PIEZO2: variants seen among roughly 807,000 people sequenced by gnomAD.
PIEZO2 encodes the protein piezo type mechanosensitive ion channel component 2, also known as piezo-type mechanosensitive ion channel component 2.
Under a neutral mutation model 337.3 loss-of-function variants are expected in PIEZO2, and 172 were observed. That is an observed-to-expected ratio of 0.51 (90% CI 0.45 to 0.58). PIEZO2 has a LOEUF of 0.58. Among genes scored for constraint, PIEZO2 ranks in the 20% least tolerant of loss-of-function variants. The pLI, the probability that PIEZO2 is intolerant of heterozygous loss-of-function variation, is 0.00. For synonymous variants in PIEZO2, 1,251 were observed against 1,228.5 expected (o/e 1.02, Z -0.38); for missense variants, 3,028 against 3,391.3 (o/e 0.89, Z 2.66).
chr18:10,969,344 C>T lies in PIEZO2; in HGVS notation c.286+10191G>A, dbSNP rs1467422005. ...ATCCCAAATCATTTTAAACTTCCTG[C>T]TCTGTGATTTGTCTTACAGCAAGGA... On this transcript the variant is annotated intron_variant, in intron 3 of 55. Coordinates refer to ENST00000674853, the MANE Select transcript of PIEZO2 (RefSeq NM_001378183.1). This position sits in a 1 kb window ranked among gnomAD's most constrained non-coding sequence, Gnocchi z 4.5. Among the ~76,000 whole-genome samples, 5 of 152,036 alleles carry T rather than the reference C, an allele frequency of 3.3e-5. No individual in the cohort carries two copies. Among genetic ancestry groups the T allele is most frequent in the Non-Finnish European group, 7.4e-5 (5 of 68,014 alleles).
rs971413151 is a variant in PIEZO2, at chr18:11,003,620, G to C, written c.161-23960C>G. ...CTTAACCTGGAAGTTCAGGGCACCA[G>C]GCGGGCATCAGGCGGGCACCAGCCC... is the stretch of plus-strand genomic sequence containing the variant. On this transcript the variant is annotated intron_variant, in intron 2 of 55. Coordinates refer to ENST00000674853, the MANE Select transcript of PIEZO2 (RefSeq NM_001378183.1). The surrounding 1 kb of genome is among the most constrained non-coding windows in gnomAD (Gnocchi z 4.6). Among the ~76,000 whole-genome samples, 4 of 152,214 alleles carry C rather than the reference G, an allele frequency of 2.6e-5. No individual in the cohort carries two copies. The highest frequency in any genetic ancestry group is 2.6e-4 in the Admixed American group (4 of 15,284).
intron 1 of PIEZO2, among the ~76,000 whole-genome samples, chr18:11,084,513 C>T (rs1395278748): frequency 6.6e-6 from 1 of 152,146 alleles, no homozygotes; most frequent in African/African-American, 2.4e-5. Context: ...CCAGCCCTCG[C>T]CATGGAGGCC....
In PIEZO2 at chr18:10,726,987, AG is replaced by A. The variant is rs1245465427; in HGVS notation, c.5029+4419del. 17 of 1,115,880 alleles carry A rather than the reference AG, an allele frequency of 1.5e-5. No individual in the cohort carries two copies. The East Asian group carries it at 4.4e-4, about 29-fold the overall frequency. The allele number at this position is 1,115,880 out of a possible 1,614,324, so 69.1% of individuals were successfully genotyped here. ...GAGGCCCTGGACAGAAGCTCCAGAT[AG>A]GCCCCCAGAACATGAAGCTGTTTGC... is the stretch of plus-strand genomic sequence containing the variant. On this transcript the variant is annotated intron_variant, in intron 36 of 55. Coordinates refer to ENST00000674853, the MANE Select transcript of PIEZO2 (RefSeq NM_001378183.1). The surrounding 1 kb of genome is among the most constrained non-coding windows in gnomAD (Gnocchi z 5.9).
chr18:10,721,883 C>T (rs756133744), intron 36 of PIEZO2, among the ~76,000 whole-genome samples: 7 of 152,094 alleles, frequency 4.6e-5, no homozygotes, highest in Admixed American at 6.5e-5. Flanking sequence ...TAGCCAGGTG[C>T]GGTGGCTCAT....
rs2146223324 is a variant in PIEZO2 at position 11,128,013 on chromosome 18, G to A, written c.64+20512C>T. On this transcript the variant is annotated intron_variant, in intron 1 of 55. Coordinates refer to ENST00000674853, the MANE Select transcript of PIEZO2 (RefSeq NM_001378183.1). The surrounding 1 kb of genome is among the most constrained non-coding windows in gnomAD (Gnocchi z 4.1). ...ACTGCTAACAGTATGCAGAACACTG[G>A]TAGTCCTGGGCATGAACTGTTTAGA... Among the ~76,000 whole-genome samples, 1 of 152,146 alleles carries A rather than the reference G, an allele frequency of 6.6e-6. No homozygotes were observed. The highest frequency in any genetic ancestry group is 3.4e-3 in the Middle Eastern group (1 of 294).
chr18:11,061,530 C>T (rs1466593461), intron 2 of PIEZO2, among the ~76,000 whole-genome samples: 1 of 152,196 alleles, frequency 6.6e-6, no homozygotes, highest in Non-Finnish European at 1.5e-5. Flanking sequence ...CCACAATCTC[C>T]TTAAGCTGAT....
intron 33 of PIEZO2, among the ~76,000 whole-genome samples, chr18:10,737,204 TCTC>T (rs373034524): frequency 5.2e-4 from 78 of 149,116 alleles, no homozygotes; most frequent in African/African-American, 1.9e-3. Flanking sequence ...GTGTCACCAA[TCTC>T]CTCCTTCACT....
intron 3 of PIEZO2, among the ~76,000 whole-genome samples, chr18:10,947,638 G>T (rs985410638): frequency 4.6e-5 from 7 of 151,700 alleles, no homozygotes; most frequent in African/African-American, 1.7e-4. Flanking sequence ...GATGCCGAAT[G>T]AAACTGTGGG....
intron 1 of PIEZO2, among the ~76,000 whole-genome samples, chr18:11,081,490 T>A (rs2038740098): frequency 6.6e-6 from 1 of 152,176 alleles, no homozygotes; most frequent in Non-Finnish European, 1.5e-5. Context: ...ATAATTTTTT[T>A]AAACATTAAT....
chr18:11,094,064 T>C lies in PIEZO2; in HGVS notation c.65-27842A>G, dbSNP rs1015011025. On this transcript the variant is annotated intron_variant, in intron 1 of 55. Transcript: ENST00000674853. This position sits in a 1 kb window ranked among gnomAD's most constrained non-coding sequence, Gnocchi z 4.4. ...TGCTACTGCGGCTCACTGCAACCTCTGCCTCCTGGGTTCAAGCGATTCTCC... is the reference window on the plus strand; with the variant it reads ...TGCTACTGCGGCTCACTGCAACCTCCGCCTCCTGGGTTCAAGCGATTCTCC... Among the ~76,000 whole-genome samples the C allele has an allele frequency of 3.9e-5, 6 of 151,992 alleles. No individual in the cohort carries two copies. The highest frequency in any genetic ancestry group is 1.2e-4 in the African/African-American group (5 of 41,386).
rs1226784904 is a variant in PIEZO2, at chr18:10,862,863, T to A, written c.493-5652A>T. Among the ~76,000 whole-genome samples the A allele has an allele frequency of 6.6e-6, 1 of 151,812 alleles. No homozygotes were observed. The highest frequency in any genetic ancestry group is 1.5e-5 in the Non-Finnish European group (1 of 68,036). ...GCTGAATAGGCACAATTTGAAAATA[T>A]ATTTTTTTAATCATATCCTAGCAGA... On this transcript the variant is annotated intron_variant, in intron 5 of 55. Coordinates refer to ENST00000674853, the MANE Select transcript of PIEZO2 (RefSeq NM_001378183.1). This position sits in a 1 kb window ranked among gnomAD's most constrained non-coding sequence, Gnocchi z 4.4.
chr18:10,873,125 G>T (rs1158150117), intron 4 of PIEZO2, among the ~76,000 whole-genome samples: 4 of 151,994 alleles, frequency 2.6e-5, no homozygotes, highest in African/African-American at 9.7e-5. Flanking sequence ...ATATATTTTG[G>T]TGAAAATATT....
intron 4 of PIEZO2, among the ~76,000 whole-genome samples, chr18:10,884,993 G>A (rs1236336281): frequency 6.6e-6 from 1 of 151,988 alleles, no homozygotes; most frequent in Non-Finnish European, 1.5e-5. Context: ...ATTTTGCCAA[G>A]CCCTAGGCTG....
At chr18:10,735,113 C>T (rs1339933444) in intron 35 of PIEZO2, among the ~76,000 whole-genome samples, 119 bp downstream of exon 35, 1 of 152,132 alleles carries the variant, frequency 6.6e-6, no homozygotes, top group East Asian at 1.9e-4. Context: ...TCCTGTAATT[C>T]CTTCATGGTA....
At chr18:11,081,541 A>T (rs927366405) in intron 1 of PIEZO2, among the ~76,000 whole-genome samples, 1 of 152,170 alleles carries the variant, frequency 6.6e-6, no homozygotes, top group Non-Finnish European at 1.5e-5. Context: ...AACACATGGG[A>T]TGCATTGCCA....
At chr18:10,896,095 G>GAAAGA (rs1409146840) in intron 4 of PIEZO2, among the ~76,000 whole-genome samples, 2 of 148,050 alleles carry the variant, frequency 1.4e-5, no homozygotes, top group African/African-American at 5.0e-5. Context: ...AAAAAAGAAA[G>GAAAGA]AAAGAAAAGA....
chr18:11,120,377 T>G (rs1217774390), intron 1 of PIEZO2, among the ~76,000 whole-genome samples: 1 of 152,210 alleles, frequency 6.6e-6, no homozygotes, highest in African/African-American at 2.4e-5. Flanking sequence ...TTTTCTTTGG[T>G]GCATTTTTTT....
At chr18:10,772,162 G>A in intron 20 of PIEZO2, among the ~76,000 whole-genome samples, 1 of 152,178 alleles carries the variant, frequency 6.6e-6, no homozygotes, top group East Asian at 1.9e-4. Context: ...CATGCATAGT[G>A]TATACAGGGT....
In PIEZO2 at chr18:10,782,790, A is replaced by G. The variant is rs553347051; in HGVS notation, c.2492+1994T>C. ...CGGCAGCTGAGGAAACATAGAACCTACATCTTGACGTGGGCTGCAGTCTTT... is the reference window on the plus strand; with the variant it reads ...CGGCAGCTGAGGAAACATAGAACCTGCATCTTGACGTGGGCTGCAGTCTTT... On this transcript the variant is annotated intron_variant, in intron 17 of 55. Coordinates refer to ENST00000674853, the MANE Select transcript of PIEZO2 (RefSeq NM_001378183.1). Among the ~76,000 whole-genome samples, 7 of 152,130 alleles carry G rather than the reference A, an allele frequency of 4.6e-5. No homozygotes were observed. The East Asian group carries it at 1.4e-3, about 29-fold the overall frequency.
Sources: allele counts gnomAD v4.1 joint callset (sites outside exome capture counted in the v4.1 genomes callset), GRCh38; gene constraint gnomAD v4.1.1; non-coding constraint Gnocchi (gnomAD v3.1); transcripts MANE v1.5; gene names NCBI Gene and HGNC (gene_info 2026-07-23, HGNC 2026-07-21).